Variants in AFF3 observed in about 807,000 individuals in gnomAD.
AFF3 encodes the protein ALF transcription elongation factor 3, also known as AF4/FMR2 family member 3.
AFF3 carries 32 observed loss-of-function variants against 129.7 expected under a neutral mutation model. The observed-to-expected ratio is 0.25, with a 90% confidence interval of 0.19 to 0.33. The LOEUF (loss-of-function observed/expected upper bound fraction) is 0.33. Among genes scored for constraint, AFF3 ranks in the 10% least tolerant of loss-of-function variants. AFF3 has a pLI of 1.00. For missense variants in AFF3, 1,373 were observed against 1,592.0 expected, an observed-to-expected ratio of 0.86 and a Z score of 2.34; for synonymous variants, 644 against 635.4, an observed-to-expected ratio of 1.01 and a Z score of -0.20.
At chr2:99,783,652 T>C (rs1684568492) in intron 8 of AFF3, among the ~76,000 whole-genome samples, 1 of 152,264 alleles carries the variant, frequency 6.6e-6, no homozygotes, top group Non-Finnish European at 1.5e-5. Flanking sequence ...GCAAATCATT[T>C]AGCCTGACTG....
At chr2:100,095,237 C>T (rs1326812028) in intron 4 of AFF3, among the ~76,000 whole-genome samples, 4 of 151,786 alleles carry the variant, frequency 2.6e-5, no homozygotes, top group Non-Finnish European at 5.9e-5. Context: ...AGTACTGAAG[C>T]AATAATCAAA....
chr2:100,003,247 C>A (rs1681601277), intron 7 of AFF3, among the ~76,000 whole-genome samples: 1 of 152,170 alleles, frequency 6.6e-6, no homozygotes, highest in Admixed American at 6.5e-5. Flanking sequence ...ACTGTATCTG[C>A]CTCTCTAGGT....
chr2:99,905,067 T>C (rs1694614665), intron 7 of AFF3, among the ~76,000 whole-genome samples: 1 of 152,156 alleles, frequency 6.6e-6, no homozygotes, highest in Admixed American at 6.5e-5. Context: ...ACTCCAGCTT[T>C]TCCTCCTCCT....
At chr2:100,005,220 T>C (rs1175194405) in intron 7 of AFF3, among the ~76,000 whole-genome samples, 1 of 152,200 alleles carries the variant, frequency 6.6e-6, no homozygotes, top group Admixed American at 6.5e-5. Flanking sequence ...GCTTAAGGCT[T>C]TACTGGCAAT....
In AFF3 at chr2:99,587,169, T is replaced by C. The variant is rs777634639; in HGVS notation, c.2576A>G (p.Asn859Ser). The C allele has an allele frequency of 1.1e-5, 17 of 1,614,174 alleles. No individual in the cohort carries two copies. In the East Asian group the frequency reaches 3.3e-4, roughly 32 times the overall value. The part of the protein sequence containing the change: ...TSNTLSANHC[N>S]MNINSVAIPI... ...ATGCACGTACCTGTTGATGTTCATG[T>C]TGCAGTGGTTTGCAGACAAAGTATT... Residue 859 changes from asparagine (N) to serine (S), a missense_variant, in exon 16 of 25, where the codon AAC (asparagine) becomes AGC (serine). By Grantham distance (46) the Asn-to-Ser change is conservative. Coordinates refer to ENST00000672756, the MANE Select transcript of AFF3 (RefSeq NM_001386135.1).
At chr2:99,950,947 C>T (rs569678953) in intron 7 of AFF3, among the ~76,000 whole-genome samples, 2 of 152,304 alleles carry the variant, frequency 1.3e-5, no homozygotes, top group African/African-American at 4.8e-5. Context: ...CACACATACA[C>T]ATATGTCCCT....
chr2:100,076,430 C>T (rs1179051769), intron 4 of AFF3, among the ~76,000 whole-genome samples: 1 of 152,178 alleles, frequency 6.6e-6, no homozygotes, highest in Non-Finnish European at 1.5e-5. Flanking sequence ...AGTAAATACA[C>T]GTCACCCCAA....
intron 7 of AFF3, among the ~76,000 whole-genome samples, chr2:99,927,606 T>G (rs889336064): frequency 6.6e-6 from 1 of 151,850 alleles, no homozygotes; most frequent in Non-Finnish European, 1.5e-5. Flanking sequence ...AGGGAGGGGA[T>G]CAGAAAAAAA....
intron 8 of AFF3, among the ~76,000 whole-genome samples, chr2:99,822,759 C>CAT: frequency 6.6e-6 from 1 of 152,210 alleles, no homozygotes; most frequent in East Asian, 1.9e-4. Flanking sequence ...ATTCCCATCA[C>CAT]AGTGGGCTCC....
chr2:99,867,577 A>AT (rs1558929615), intron 7 of AFF3, among the ~76,000 whole-genome samples: 1 of 35,644 alleles, frequency 2.8e-5, no homozygotes, highest in East Asian at 5.5e-4. Flanking sequence ...TTTCTATATT[A>AT]AAAAAAAAAA....
intron 24 of AFF3, among the ~76,000 whole-genome samples, chr2:99,553,652 G>T (rs756251614): frequency 1.3e-5 from 2 of 151,856 alleles, no homozygotes; most frequent in African/African-American, 4.8e-5. Flanking sequence ...GGTGGCTCAC[G>T]CCTGTAATCC....
At chr2:99,922,056 C>T (rs1385758722) in intron 7 of AFF3, among the ~76,000 whole-genome samples, 1 of 152,116 alleles carries the variant, frequency 6.6e-6, no homozygotes, top group African/African-American at 2.4e-5. Context: ...AGACTAACAA[C>T]ACCAACTGTT....
At chr2:99,957,065 T>C (rs964451561) in intron 7 of AFF3, among the ~76,000 whole-genome samples, 3 of 152,244 alleles carry the variant, frequency 2.0e-5, no homozygotes, top group African/African-American at 7.2e-5. Flanking sequence ...ATACATTCTG[T>C]TGCCTGTGAA....
rs536123866 is a variant in AFF3, at chr2:99,979,571, T to C, written c.873+27061A>G. ...ACAGTTCACTGCAACCTTGAAATCC[T>C]GGTGTCAAGTGATCCTCCTGTTTCA... On this transcript the variant is annotated intron_variant, in intron 7 of 24. Coordinates refer to ENST00000672756, the MANE Select transcript of AFF3 (RefSeq NM_001386135.1). Among the ~76,000 whole-genome samples, 13 of 152,202 alleles carry C rather than the reference T, an allele frequency of 8.5e-5. 1 individual carries two copies. In the South Asian group the frequency reaches 2.7e-3, roughly 32 times the overall value.
At chr2:99,615,702 G>T (rs1161829149) in intron 13 of AFF3, among the ~76,000 whole-genome samples, 1 of 152,258 alleles carries the variant, frequency 6.6e-6, no homozygotes, top group Non-Finnish European at 1.5e-5. Flanking sequence ...TTTGGAGGCT[G>T]AGATGGCTGG....
At chr2:99,956,731 T>C (rs1358019723) in intron 7 of AFF3, among the ~76,000 whole-genome samples, 1 of 152,160 alleles carries the variant, frequency 6.6e-6, no homozygotes, top group South Asian at 2.1e-4. Context: ...ATTTCAGCAA[T>C]AACTGAGCAA....
At chr2:99,623,780 T>C (rs937133332) in intron 13 of AFF3, among the ~76,000 whole-genome samples, 3 of 152,158 alleles carry the variant, frequency 2.0e-5, no homozygotes, top group African/African-American at 7.2e-5. Context: ...CATGCACCCA[T>C]GCCCTCCTGG....
At position 99,632,008 on chromosome 2, in the gene AFF3, CTTTTTTT is replaced by C. The variant is rs745651225; in HGVS notation, c.1184+17611_1184+17617del. On this transcript the variant is annotated intron_variant, in intron 13 of 24. Coordinates refer to ENST00000672756, the MANE Select transcript of AFF3 (RefSeq NM_001386135.1). ...CAATTTATCCACAACCTTGCCAACA[CTTTTTTT>C]TTTTTTTTTTTTTTTTTTTAGATAG... Among the ~76,000 whole-genome samples the C allele has an allele frequency of 5.6e-4, 43 of 76,908 alleles. 1 individual carries two copies. Among genetic ancestry groups the C allele is most frequent in the African/African-American group, 2.1e-3 (38 of 18,384 alleles). The allele number at this position is 76,908 out of a possible 152,430, so 50.5% of individuals were successfully genotyped here. A position where few individuals can be genotyped will look rare whatever the true frequency, so the allele number is the denominator to read the frequency against.
intron 8 of AFF3, among the ~76,000 whole-genome samples, chr2:99,768,976 CT>C (rs1327275333): frequency 6.6e-6 from 1 of 152,072 alleles, no homozygotes; most frequent in Non-Finnish European, 1.5e-5. Flanking sequence ...TTGAGGTAGC[CT>C]TCTTTGGGTT....
Sources: allele counts gnomAD v4.1 joint callset (sites outside exome capture counted in the v4.1 genomes callset), GRCh38; gene constraint gnomAD v4.1.1; transcripts MANE v1.5; gene names NCBI Gene and HGNC (gene_info 2026-07-23, HGNC 2026-07-21).